The following CCDC171 variants were observed in gnomAD, a reference collection of about 807,000 sequenced individuals.
The protein encoded by CCDC171 is coiled-coil domain-containing protein 171.
CCDC171 carries 177 observed loss-of-function variants against 168.2 expected under a neutral mutation model. The ratio of observed to expected loss-of-function variants is 1.05; its 90% CI spans 0.93 to 1.19. The LOEUF (loss-of-function observed/expected upper bound fraction) is 1.19, where lower values mean the gene tolerates loss of function less well. CCDC171 is among the 50% of genes most tolerant of loss of function. The pLI is 0.00. For missense variants in CCDC171, 1,991 were observed against 1,539.0 expected, an observed-to-expected ratio of 1.29 and a Z score of -4.91; for synonymous variants, 687 against 540.8, an observed-to-expected ratio of 1.27 and a Z score of -3.75.
At chr9:15,701,674 G>A (rs546767725) in intron 11 of CCDC171, among the ~76,000 whole-genome samples, 7 of 149,196 alleles carry the variant, frequency 4.7e-5, no homozygotes, top group South Asian at 2.1e-4. Context: ...CCGCCTCTCC[G>A]GAGTACAATT....
chr9:15,660,627 C>T (rs936670592), intron 8 of CCDC171, among the ~76,000 whole-genome samples: 1 of 152,166 alleles, frequency 6.6e-6, no homozygotes, highest in Non-Finnish European at 1.5e-5. Flanking sequence ...CCAGCTGCAT[C>T]CATGTTGTAG....
At chr9:15,833,871 G>A (rs1026682956) in intron 21 of CCDC171, among the ~76,000 whole-genome samples, 2 of 152,118 alleles carry the variant, frequency 1.3e-5, no homozygotes, top group African/African-American at 4.8e-5. Flanking sequence ...ATTTAACTTA[G>A]CCCAAGTTTC....
rs372596980 is a variant in CCDC171, at chr9:15,594,053, A to C, written c.556A>C (p.Lys186Gln). Residue 186 changes from lysine to glutamine, a missense_variant, in exon 6 of 26, where the codon AAA becomes CAA. Lys to Gln is a moderately conservative substitution (Grantham distance 53). Coordinates refer to ENST00000380701, the MANE Select transcript of CCDC171 (RefSeq NM_173550.4). Reference protein sequence around the residue: ...LEKTLQEALEKHQREKNEMES... With the variant: ...LEKTLQEALEQHQREKNEMES... ...TATTTATATAAAGGAAGCGTTGGAA[A>C]AACATCAACGGGAGAAGAATGAGAT... The C allele has an allele frequency of 1.8e-5, 28 of 1,588,384 alleles. No homozygotes were observed. Among genetic ancestry groups the C allele is most frequent in the Non-Finnish European group, 2.4e-5 (28 of 1,166,886 alleles).
chr9:15,591,911 T>G (rs781586066), intron 5 of CCDC171, among the ~76,000 whole-genome samples: 2 of 152,178 alleles, frequency 1.3e-5, no homozygotes, highest in Non-Finnish European at 2.9e-5. Context: ...GAATATACAA[T>G]AAATATAGAA....
the CCDC171 span, among the ~76,000 whole-genome samples, chr9:16,102,491 G>T: frequency 2.7e-5 from 4 of 147,590 alleles, no homozygotes; most frequent in South Asian, 2.1e-4. Context: ...CGTGTGTTGG[G>T]GGGGGGCGGG....
intron 1 of CCDC171, among the ~76,000 whole-genome samples, chr9:16,051,247 G>A (rs997476971): frequency 6.6e-6 from 1 of 152,170 alleles, no homozygotes; most frequent in Non-Finnish European, 1.5e-5. Flanking sequence ...GGGTTCTGCT[G>A]TCATCCGTGT....
At chr9:15,950,626 C>G (rs983638439) in intron 25 of CCDC171, among the ~76,000 whole-genome samples, 8 of 151,982 alleles carry the variant, frequency 5.3e-5, no homozygotes, top group South Asian at 2.1e-4. Flanking sequence ...GAAGGAAGCG[C>G]TAAACATGGA....
Position 15,852,541 on chromosome 9 carries a change from C to T in CCDC171, c.3468+3594C>T, listed in dbSNP as rs560326817. ...CCCATCCTGTAGGTTGTCTTTTTAC[C>T]TTCTATTTAAATAGTGTCCTTTCAT... On this transcript the variant is annotated intron_variant, in intron 23 of 25. Coordinates refer to ENST00000380701, the MANE Select transcript of CCDC171 (RefSeq NM_173550.4). Among the ~76,000 whole-genome samples the T allele has an allele frequency of 4.0e-5, 6 of 151,484 alleles. No individual in the cohort carries two copies. In the South Asian group the frequency reaches 1.2e-3, roughly 32 times the overall value.
At chr9:15,726,344 A>G (rs1434801855) in intron 14 of CCDC171, among the ~76,000 whole-genome samples, 2 of 152,210 alleles carry the variant, frequency 1.3e-5, no homozygotes. Flanking sequence ...TTGGTTTATC[A>G]CAGCCCAAGC....
chr9:15,809,225 A>G (rs1433170181), intron 21 of CCDC171, among the ~76,000 whole-genome samples: 1 of 152,218 alleles, frequency 6.6e-6, no homozygotes, highest in East Asian at 1.9e-4. Flanking sequence ...GAGAATTAGC[A>G]TGAGTGTATT....
intron 11 of CCDC171, among the ~76,000 whole-genome samples, chr9:15,699,547 A>G (rs1160989719): frequency 1.3e-5 from 2 of 152,076 alleles, no homozygotes; most frequent in Non-Finnish European, 2.9e-5. Flanking sequence ...TGCGTTTACT[A>G]TCCCTGAGCT....
chr9:16,066,513 A>G (rs1168681321), downstream of CCDC171, among the ~76,000 whole-genome samples: 2 of 149,320 alleles, frequency 1.3e-5, no homozygotes, highest in African/African-American at 2.5e-5. Context: ...CACATTGTGC[A>G]GGTTAGTTAT....
intron 6 of CCDC171, among the ~76,000 whole-genome samples, chr9:15,613,290 C>G (rs2043834099): frequency 6.6e-6 from 1 of 151,998 alleles, no homozygotes; most frequent in Non-Finnish European, 1.5e-5. Context: ...TTCATAGGTT[C>G]TTGGGAATTG....
At chr9:15,960,862 C>A (rs1830266813) in intron 25 of CCDC171, among the ~76,000 whole-genome samples, 1 of 152,118 alleles carries the variant, frequency 6.6e-6, no homozygotes, top group African/African-American at 2.4e-5. Flanking sequence ...AAAGGGTCCA[C>A]AGCCCTGGGG....
chr9:15,679,576 G>A (rs893467044), intron 10 of CCDC171, among the ~76,000 whole-genome samples: 1 of 152,038 alleles, frequency 6.6e-6, no homozygotes, highest in Non-Finnish European at 1.5e-5. Flanking sequence ...TGAAGATGAG[G>A]TTTCACTCTG....
intron 25 of CCDC171, among the ~76,000 whole-genome samples, chr9:15,924,634 C>T (rs1825704903): frequency 6.6e-6 from 1 of 151,614 alleles, no homozygotes; most frequent in South Asian, 2.1e-4. Context: ...ATTCCAGTGA[C>T]TGAGCTCTCT....
rs139875435 is a variant in CCDC171, at chr9:15,628,237, C to A, written c.822+4824C>A. 9.3e-3 allele frequency among the ~76,000 whole-genome samples: 1,407 copies of A among 151,468 alleles called. 11 individuals carry two copies. The highest frequency in any genetic ancestry group is 0.016 in the Non-Finnish European group (1,072 of 67,850). On this transcript the variant is annotated intron_variant, in intron 7 of 25. Coordinates refer to ENST00000380701, the MANE Select transcript of CCDC171 (RefSeq NM_173550.4). ...AAGCAGGGCGAGGCATTGCCTTACTCGGGAAGCGCAAGGGGTCACGGAGTT... is the reference window on the plus strand; with the variant it reads ...AAGCAGGGCGAGGCATTGCCTTACTAGGGAAGCGCAAGGGGTCACGGAGTT...
intron 24 of CCDC171, among the ~76,000 whole-genome samples, chr9:15,878,899 T>A (rs1818225089): frequency 6.6e-6 from 1 of 152,110 alleles, no homozygotes; most frequent in African/African-American, 2.4e-5. Context: ...CACCACATGT[T>A]CTTGTAAGTG....
chr9:16,095,542 T>TTC, the CCDC171 span, among the ~76,000 whole-genome samples: 1 of 150,428 alleles, frequency 6.6e-6, no homozygotes, highest in Non-Finnish European at 1.5e-5. Flanking sequence ...CGCTCTCTCT[T>TTC]TCTCTCTCTC....
Sources: gnomAD v4.1 joint callset for allele counts (sites outside exome capture counted in the v4.1 genomes callset) on GRCh38, gnomAD v4.1.1 for gene constraint, MANE v1.5 for transcripts, NCBI Gene and HGNC (gene_info 2026-07-23, HGNC 2026-07-21) for gene names.